The following WDR49 variants were observed in gnomAD, a reference collection of about 807,000 sequenced individuals.
WDR49 encodes cilia- and flagella-associated protein 337.
In WDR49, 107 loss-of-function variants were observed where a neutral mutation model predicts 119.5. The ratio of observed to expected loss-of-function variants is 0.90; its 90% CI spans 0.77 to 1.05. The LOEUF (loss-of-function observed/expected upper bound fraction) is 1.05. WDR49 is among the 50% of genes least tolerant of loss of function. The pLI, the probability that WDR49 is intolerant of heterozygous loss-of-function variation, is 0.00. For missense variants in WDR49, 1,240 were observed against 1,220.5 expected (o/e 1.02, Z -0.24); for synonymous variants, 425 against 418.8 (o/e 1.01, Z -0.18).
chr3:167,566,916 G>T, intron 8 of WDR49: 1 of 662,646 alleles, frequency 1.5e-6, no homozygotes, highest in Non-Finnish European at 2.8e-6. Flanking sequence ...GAAAAGAAAG[G>T]GTTGGACTTA....
intron 5 of WDR49, among the ~76,000 whole-genome samples, chr3:167,608,048 G>A (rs1363894421): frequency 6.6e-6 from 1 of 152,018 alleles, no homozygotes; most frequent in Non-Finnish European, 1.5e-5. Flanking sequence ...TTTTATTAGA[G>A]AGCAATTAAT....
intron 2 of WDR49, among the ~76,000 whole-genome samples, chr3:167,635,383 A>T (rs1717563540): frequency 6.6e-6 from 1 of 151,806 alleles, no homozygotes; most frequent in South Asian, 2.1e-4. Context: ...TTGCTAAAGT[A>T]TAGTTCTATT....
At chr3:167,604,044 AC>A (rs1362529592) in intron 6 of WDR49, among the ~76,000 whole-genome samples, 2 of 151,534 alleles carry the variant, frequency 1.3e-5, no homozygotes, top group African/African-American at 4.9e-5. Flanking sequence ...ATCATTTTAC[AC>A]CCTTCACCAA....
At chr3:167,655,143 CT>C (rs1283641754), upstream of WDR49, among the ~76,000 whole-genome samples, 2 of 152,112 alleles carry the variant, frequency 1.3e-5, no homozygotes, top group Non-Finnish European at 2.9e-5. Context: ...AAAGTCATGA[CT>C]TACATGGCAG....
At chr3:167,492,145 G>GTT (rs78618438) in intron 18 of WDR49, among the ~76,000 whole-genome samples, 2 of 143,536 alleles carry the variant, frequency 1.4e-5, no homozygotes, top group Non-Finnish European at 3.1e-5. Flanking sequence ...GGTAATTGAA[G>GTT]TTTTTTTTTT....
At chr3:167,647,229 A>G (rs1352410692) in intron 2 of WDR49, among the ~76,000 whole-genome samples, 1 of 152,122 alleles carries the variant, frequency 6.6e-6, no homozygotes. Context: ...CTCTGTAACA[A>G]GCTTTTCTTG....
chr3:167,505,320 T>C lies in WDR49; in HGVS notation c.2871A>G (p.Ile957Met), dbSNP rs1242768570. The C allele has an allele frequency of 2.0e-6, 3 of 1,516,574 alleles. No homozygotes were observed. The highest frequency in any genetic ancestry group is 1.4e-5 in the South Asian group (1 of 73,806). 93.9% of individuals were successfully genotyped at this position (1,516,574 alleles called of 1,614,324 possible). A position where few individuals can be genotyped will look rare whatever the true frequency, so the allele number is the denominator to read the frequency against. Residue 957 changes from isoleucine (I) to methionine (M), a missense_variant, in exon 17 of 19, where the codon ATA becomes ATG. Physicochemically the swap from Ile to Met is conservative, Grantham distance 10 (BLOSUM62 1). Coordinates refer to ENST00000682715, the MANE Select transcript of WDR49 (RefSeq NM_001366157.1). Reference sequence around the variant, plus strand: ...GTGACTACTTACTGAATGATTTTTTTATAACTTCACCATAATAAGGTTTTT... The same window carrying C: ...GTGACTACTTACTGAATGATTTTTTCATAACTTCACCATAATAAGGTTTTT... ...ETQKPYYGEV[I>M]KKSFSTFRSL...
chr3:167,522,000 A>AGAT (rs1277580898), intron 16 of WDR49, among the ~76,000 whole-genome samples: 1 of 146,894 alleles, frequency 6.8e-6, no homozygotes, highest in Non-Finnish European at 1.5e-5. Flanking sequence ...ATAGATAGAT[A>AGAT]GATAGATAGA....
At chr3:167,588,223 C>A (rs940339445) in intron 7 of WDR49, among the ~76,000 whole-genome samples, 5 of 152,132 alleles carry the variant, frequency 3.3e-5, no homozygotes. Context: ...CTCTAACTGG[C>A]TTATTTCACT....
intron 7 of WDR49, among the ~76,000 whole-genome samples, chr3:167,584,673 A>C (rs1326302369): frequency 6.6e-6 from 1 of 152,156 alleles, no homozygotes; most frequent in East Asian, 1.9e-4. Flanking sequence ...ATGGCATTTC[A>C]AATCAGTAGT....
At chr3:167,531,027 C>G (rs903811231) in intron 13 of WDR49, 88 bp downstream of exon 13, 1 of 1,409,734 alleles carries the variant, frequency 7.1e-7, no homozygotes, top group Non-Finnish European at 9.6e-7. Flanking sequence ...TACGTGCAGT[C>G]AAATTCTACA....
At chr3:167,488,269 A>G (rs1161283340) in intron 18 of WDR49, among the ~76,000 whole-genome samples, 4 of 152,018 alleles carry the variant, frequency 2.6e-5, no homozygotes, top group Non-Finnish European at 4.4e-5. Flanking sequence ...GTAGGATAAA[A>G]TCCTAAGCAA....
chr3:167,631,648 C>T (rs1463825209), intron 2 of WDR49, among the ~76,000 whole-genome samples: 1 of 152,058 alleles, frequency 6.6e-6, no homozygotes, highest in East Asian at 1.9e-4. Flanking sequence ...CCCACCACAT[C>T]GAAGCGAGAG....
In WDR49 at chr3:167,529,078, C is replaced by T; in HGVS notation, c.2380G>A (p.Gly794Arg). Reference protein sequence around the residue: ...NRYLTTGDLDGWLKIWNIEEY... With the variant: ...NRYLTTGDLDRWLKIWNIEEY... ...TCTATATTCCAGATTTTCAACCATC[C>T]ATCAAGATCTCCTGTGGTAAGGTAT... Residue 794 changes from glycine (G) to arginine (R), a missense_variant, in exon 14 of 19, where the codon GGA becomes AGA. By Grantham distance (125) the Gly-to-Arg change is moderately radical. Transcript: ENST00000682715. 6.3e-7 allele frequency: 1 copy of T among 1,585,684 alleles called. No individual in the cohort carries two copies. The highest frequency in any genetic ancestry group is 8.5e-7 in the Non-Finnish European group (1 of 1,170,428).
chr3:167,529,327 G>T, intron 13 of WDR49, 88 bp from the exon 14 acceptor site: 1 of 1,277,998 alleles, frequency 7.8e-7, no homozygotes, highest in Non-Finnish European at 1.1e-6. Context: ...TGGAAAGCAT[G>T]TGATGTTGAA....
At chr3:167,574,592 T>TGCCTATAAGTGGCA (rs747062528) in intron 8 of WDR49, among the ~76,000 whole-genome samples, 1,835 of 152,296 alleles carry the variant, frequency 0.012, 28 homozygotes, top group South Asian at 0.026. Context: ...CATATGTACA[T>TGCCTATAAGTGGCA]TGTCCTTTGG....
rs142559434 is a variant in WDR49 at position 167,639,365 on chromosome 3, G to A, written c.166-12073C>T. ...TTAAAAGGAAGAAACTGATGTTCAG[G>A]CTTATTAAGAAAAGACTTCTCTGAG... On this transcript the variant is annotated intron_variant, in intron 2 of 18. Transcript: ENST00000682715. Among the ~76,000 whole-genome samples, 98 of 151,746 alleles carry A rather than the reference G, an allele frequency of 6.5e-4. 1 individual carries two copies. In the East Asian group the frequency reaches 0.017, roughly 26 times the overall value.
chr3:167,624,631 A>C (rs1717040287), intron 3 of WDR49, among the ~76,000 whole-genome samples: 1 of 152,066 alleles, frequency 6.6e-6, no homozygotes, highest in African/African-American at 2.4e-5. Flanking sequence ...ATTATATTTC[A>C]ATAAACCTAT....
At chr3:167,545,052 T>A (rs913428630) in intron 10 of WDR49, among the ~76,000 whole-genome samples, 3 of 151,092 alleles carry the variant, frequency 2.0e-5, no homozygotes, top group Non-Finnish European at 4.4e-5. Context: ...AAATAGAAAA[T>A]TTTTAAAAGA....
Sources: gnomAD v4.1 joint callset for allele counts (sites outside exome capture counted in the v4.1 genomes callset) on GRCh38, gnomAD v4.1.1 for gene constraint, MANE v1.5 for transcripts, NCBI Gene and HGNC (gene_info 2026-07-23, HGNC 2026-07-21) for gene names.